CNGA3: variants seen among roughly 807,000 people sequenced by gnomAD.
The protein encoded by CNGA3 is cyclic nucleotide-gated channel alpha-3.
Under a neutral mutation model 46.6 loss-of-function variants are expected in CNGA3, and 42 were observed. The observed-to-expected ratio is 0.90, with a 90% CI of 0.70 to 1.17. CNGA3 has a LOEUF of 1.17. CNGA3 is among the 50% of genes most tolerant of loss of function. The probability of loss-of-function intolerance (pLI) is 0.00; values close to 1 mark genes in which losing one functional copy is unlikely to be tolerated. For synonymous variants in CNGA3, 394 were observed against 369.4 expected, an observed-to-expected ratio of 1.07 and a Z score of -0.76; for missense variants, 893 against 890.7, an observed-to-expected ratio of 1.00 and a Z score of -0.03.
chr2:98,364,661 T>C (rs1332267700), intron 1 of CNGA3, among the ~76,000 whole-genome samples: 2 of 152,202 alleles, frequency 1.3e-5, no homozygotes, highest in Non-Finnish European at 2.9e-5. Flanking sequence ...GTCATCATGA[T>C]GTCAGGTGGT....
intron 2 of CNGA3, 117 bp from the exon 3 acceptor site, chr2:98,377,570 A>G (rs1692434506): frequency 1.1e-6 from 1 of 937,852 alleles, no homozygotes; most frequent in Non-Finnish European, 1.7e-6. Flanking sequence ...TGGGATGAGG[A>G]TCTGTGAGGG....
chr2:98,351,868 C>T (rs1274433607), intron 1 of CNGA3, among the ~76,000 whole-genome samples: 1 of 152,138 alleles, frequency 6.6e-6, no homozygotes, highest in East Asian at 1.9e-4. Context: ...ATATAATTTT[C>T]ATGCCACAAA....
intron 1 of CNGA3, among the ~76,000 whole-genome samples, chr2:98,367,115 A>G (rs1171475201): frequency 6.6e-6 from 1 of 151,056 alleles, no homozygotes; most frequent in East Asian, 1.9e-4. Flanking sequence ...TTGCTGGTGC[A>G]GGATTCACTC....
chr2:98,382,419 C>A (rs578111665), intron 4 of CNGA3, among the ~76,000 whole-genome samples: 2 of 152,262 alleles, frequency 1.3e-5, no homozygotes, highest in East Asian at 3.9e-4. Flanking sequence ...CAGAACCAAT[C>A]TAGAAACAAG....
At chr2:98,380,881 G>T (rs1692522252) in intron 4 of CNGA3, among the ~76,000 whole-genome samples, 1 of 152,178 alleles carries the variant, frequency 6.6e-6, no homozygotes. Context: ...CCATGTCCCA[G>T]ATCAGGTTGA....
intron 1 of CNGA3, among the ~76,000 whole-genome samples, chr2:98,360,133 C>T (rs1406813072): frequency 6.6e-6 from 1 of 152,222 alleles, no homozygotes; most frequent in Non-Finnish European, 1.5e-5. Context: ...TCAATCCTGG[C>T]TCCGGCCTTC....
intron 1 of CNGA3, among the ~76,000 whole-genome samples, chr2:98,367,069 C>T (rs1692170906): frequency 6.6e-6 from 1 of 152,058 alleles, no homozygotes; most frequent in Non-Finnish European, 1.5e-5. Context: ...TTGGGACTGC[C>T]TAGTCAGTCC....
intron 1 of CNGA3, among the ~76,000 whole-genome samples, chr2:98,368,189 C>G (rs2104169944): frequency 6.6e-6 from 1 of 152,370 alleles, no homozygotes; most frequent in South Asian, 2.1e-4. Flanking sequence ...CCCTGCTGAG[C>G]CGATGGCTGC....
chr2:98,365,429 T>C, intron 1 of CNGA3, among the ~76,000 whole-genome samples: 1 of 152,336 alleles, frequency 6.6e-6, no homozygotes, highest in Admixed American at 6.5e-5. Context: ...TTCTCTGGAT[T>C]TCCTGAATTT....
chr2:98,383,563 A>G (rs1692584494), intron 5 of CNGA3, 122 bp downstream of exon 5: 8 of 935,798 alleles, frequency 8.5e-6, no homozygotes, highest in Non-Finnish European at 1.2e-5. Context: ...CCAGTAGAAT[A>G]TTTTAGAATC....
At position 98,397,337 on chromosome 2, in the gene CNGA3, G is replaced by T. The variant is rs1692946670; in HGVS notation, c.*82G>T. 31 of 1,408,720 alleles carry T rather than the reference G, an allele frequency of 2.2e-5. No individual in the cohort carries two copies. The highest frequency in any genetic ancestry group is 4.2e-4 in the Middle Eastern group (2 of 4,742). The allele number at this position is 1,408,720 out of a possible 1,614,324, so 87.3% of individuals were successfully genotyped here. ...GCCGCAGCTGTGTGGCATGGAACTT[G>T]GTCAGGGTTGAATTCCAGCTCTACT... On this transcript the variant is annotated 3_prime_UTR_variant, in exon 8 of 8. Coordinates refer to ENST00000272602, the MANE Select transcript of CNGA3 (RefSeq NM_001298.3).
intron 1 of CNGA3, among the ~76,000 whole-genome samples, chr2:98,357,577 T>C (rs1691912438): frequency 6.6e-6 from 1 of 152,222 alleles, no homozygotes; most frequent in African/African-American, 2.4e-5. Flanking sequence ...GGCAGAGATC[T>C]GTCTTCCTCA....
chr2:98,367,226 C>G (rs1223927283), intron 1 of CNGA3, among the ~76,000 whole-genome samples: 1 of 143,252 alleles, frequency 7.0e-6, no homozygotes, highest in Non-Finnish European at 1.5e-5. Context: ...TCACTGTGTC[C>G]CCCAGGCTGG....
chr2:98,356,174 A>C (rs1463549408), intron 1 of CNGA3, among the ~76,000 whole-genome samples: 1 of 152,220 alleles, frequency 6.6e-6, no homozygotes, highest in Non-Finnish European at 1.5e-5. Flanking sequence ...AAAAGTTTCA[A>C]AGTATGTAGA....
At chr2:98,368,519 C>T (rs1427931329) in intron 1 of CNGA3, among the ~76,000 whole-genome samples, 2 of 152,232 alleles carry the variant, frequency 1.3e-5, no homozygotes, top group Non-Finnish European at 2.9e-5. Context: ...TCTTTTCAAT[C>T]ACAGGGGCAC....
At chr2:98,376,531 G>A (rs1459662266) in intron 2 of CNGA3, among the ~76,000 whole-genome samples, 5 of 152,132 alleles carry the variant, frequency 3.3e-5, no homozygotes, top group Non-Finnish European at 5.9e-5. Flanking sequence ...CAGGCAGACC[G>A]GGGCATGGGA....
chr2:98,361,388 C>A (rs1205120155), intron 1 of CNGA3, among the ~76,000 whole-genome samples: 1 of 152,142 alleles, frequency 6.6e-6, no homozygotes, highest in Admixed American at 6.5e-5. Flanking sequence ...GCATAGTATT[C>A]CATGGTGTAT....
chr2:98,349,063 G>A (rs1415985581), intron 1 of CNGA3, among the ~76,000 whole-genome samples: 3 of 152,174 alleles, frequency 2.0e-5, no homozygotes, highest in Non-Finnish European at 4.4e-5. Context: ...GCCCTGCTGT[G>A]GTGACGTATA....
intron 1 of CNGA3, among the ~76,000 whole-genome samples, chr2:98,359,211 A>T (rs1481224765): frequency 6.6e-6 from 1 of 152,246 alleles, no homozygotes; most frequent in Non-Finnish European, 1.5e-5. Context: ...ATATTCCCTC[A>T]GGCTCCTGCT....
Sources: allele counts gnomAD v4.1 joint callset (sites outside exome capture counted in the v4.1 genomes callset), GRCh38; gene constraint gnomAD v4.1.1; transcripts MANE v1.5; gene names NCBI Gene and HGNC (gene_info 2026-07-23, HGNC 2026-07-21).